Variants in CTNNA3 observed in about 807,000 individuals in gnomAD.
CTNNA3 encodes the protein catenin alpha 3.
In CTNNA3, 76 loss-of-function variants were observed where a neutral mutation model predicts 95.7. The observed-to-expected ratio is 0.79, with a 90% CI of 0.66 to 0.96. CTNNA3 has a LOEUF of 0.96. Ranked by LOEUF, CTNNA3 falls within the 40% of genes least tolerant of loss-of-function variation. The pLI is 0.00. For missense variants in CTNNA3, 1,191 were observed against 1,089.8 expected, an observed-to-expected ratio of 1.09 and a Z score of -1.31; for synonymous variants, 431 against 374.4, an observed-to-expected ratio of 1.15 and a Z score of -1.74.
intron 13 of CTNNA3, among the ~76,000 whole-genome samples, chr10:66,139,134 A>G (rs908131906): frequency 1.3e-5 from 2 of 152,164 alleles, no homozygotes; most frequent in African/African-American, 4.8e-5. Context: ...ACCATTTCCT[A>G]AGATTCCTCT....
chr10:67,499,748 A>G (rs1405403844), intron 5 of CTNNA3, among the ~76,000 whole-genome samples: 1 of 152,038 alleles, frequency 6.6e-6, no homozygotes, highest in Non-Finnish European at 1.5e-5. Context: ...CTCTGATGGT[A>G]GTTTGTATTT....
chr10:65,992,808 A>G (rs2078572067), intron 15 of CTNNA3, among the ~76,000 whole-genome samples: 1 of 151,952 alleles, frequency 6.6e-6, no homozygotes. Flanking sequence ...TTGCTTTTCT[A>G]ATTCCTTGAT....
chr10:66,660,732 A>G (rs1401223487), intron 9 of CTNNA3, among the ~76,000 whole-genome samples: 1 of 152,088 alleles, frequency 6.6e-6, no homozygotes, highest in African/African-American at 2.4e-5. Context: ...TTTTTGCTCA[A>G]ACTCAGAGAA....
chr10:66,636,544 T>TG (rs1483751956), intron 9 of CTNNA3, among the ~76,000 whole-genome samples: 1 of 152,122 alleles, frequency 6.6e-6, no homozygotes, highest in Non-Finnish European at 1.5e-5. Context: ...TTGCACAAGG[T>TG]TAAATTGTGA....
chr10:67,404,364 C>T (rs1845048737), intron 5 of CTNNA3, among the ~76,000 whole-genome samples: 1 of 151,494 alleles, frequency 6.6e-6, no homozygotes, highest in Non-Finnish European at 1.5e-5. Context: ...AGGAATATAA[C>T]CAACCTGATA....
At chr10:66,832,439 A>C (rs1026373921) in intron 7 of CTNNA3, among the ~76,000 whole-genome samples, 8 of 152,304 alleles carry the variant, frequency 5.3e-5, no homozygotes, top group African/African-American at 1.9e-4. Flanking sequence ...AAAAGTTCTT[A>C]AGGCACACCA....
At chr10:67,661,793 T>A (rs55808769) in intron 1 of CTNNA3, among the ~76,000 whole-genome samples, 20,094 of 152,054 alleles carry the variant, frequency 0.13, 1,434 homozygotes, top group Non-Finnish European at 0.16. Context: ...ATGTTCAACA[T>A]CATTAGTCAC....
At chr10:65,936,194 T>G (rs2077334680) in intron 17 of CTNNA3, among the ~76,000 whole-genome samples, 1 of 152,148 alleles carries the variant, frequency 6.6e-6, no homozygotes, top group African/African-American at 2.4e-5. Context: ...AAATCCAAAT[T>G]TAATAATAGA....
intron 12 of CTNNA3, among the ~76,000 whole-genome samples, chr10:66,335,028 C>T (rs1589105986): frequency 1.3e-5 from 2 of 152,222 alleles, no homozygotes; most frequent in Admixed American, 1.3e-4. Flanking sequence ...GAATCGGCTA[C>T]TGAGGCTTAT....
intron 13 of CTNNA3, among the ~76,000 whole-genome samples, chr10:66,105,228 T>C (rs1206823133): frequency 2.6e-5 from 4 of 152,220 alleles, no homozygotes. Flanking sequence ...TCTTCTTAGG[T>C]ATTAATAGCA....
intron 17 of CTNNA3, among the ~76,000 whole-genome samples, chr10:65,930,686 T>G (rs1046151312): frequency 6.6e-6 from 1 of 152,166 alleles, no homozygotes; most frequent in Non-Finnish European, 1.5e-5. Flanking sequence ...ATTCATACTC[T>G]CATTCAAAGA....
At chr10:66,609,298 AGC>A (rs1844243698) in intron 10 of CTNNA3, among the ~76,000 whole-genome samples, 1 of 149,826 alleles carries the variant, frequency 6.7e-6, no homozygotes, top group African/African-American at 2.5e-5. Flanking sequence ...CCTGACCTCA[AGC>A]AATCTGCCCT....
chr10:67,744,558 A>G (rs1841363362), intron 1 of CTNNA3, among the ~76,000 whole-genome samples: 1 of 151,304 alleles, frequency 6.6e-6, no homozygotes, highest in South Asian at 2.1e-4. Context: ...CCCTAGAAGA[A>G]AACTTAGGCA....
At chr10:66,548,528 A>C (rs1412477470) in intron 10 of CTNNA3, among the ~76,000 whole-genome samples, 2 of 152,118 alleles carry the variant, frequency 1.3e-5, no homozygotes, top group African/African-American at 4.8e-5. Context: ...GAAAGCTTTC[A>C]AGTATCATTA....
chr10:67,409,657 G>A (rs1263931362), intron 5 of CTNNA3, among the ~76,000 whole-genome samples: 1 of 152,096 alleles, frequency 6.6e-6, no homozygotes, highest in African/African-American at 2.4e-5. Context: ...TAATACCTAA[G>A]TGTTGGGTTG....
At chr10:67,119,394 C>T (rs772271735) in intron 7 of CTNNA3, among the ~76,000 whole-genome samples, 1 of 151,582 alleles carries the variant, frequency 6.6e-6, no homozygotes, top group Non-Finnish European at 1.5e-5. Flanking sequence ...ATACTACTAC[C>T]GGAGATAAAA....
intron 7 of CTNNA3, among the ~76,000 whole-genome samples, chr10:66,811,020 C>G (rs775780011): frequency 1.3e-5 from 2 of 152,150 alleles, no homozygotes; most frequent in African/African-American, 2.4e-5. Flanking sequence ...TATAGTGGAA[C>G]TTTAGATAAA....
At position 66,941,146 on chromosome 10, in the gene CTNNA3, A is replaced by G. The variant is rs533987956; in HGVS notation, c.1048-165622T>C. 6.8e-4 allele frequency among the ~76,000 whole-genome samples: 104 copies of G among 152,332 alleles called. 1 individual carries two copies. The highest frequency in any genetic ancestry group is 2.4e-3 in the African/African-American group (99 of 41,592). On this transcript the variant is annotated intron_variant, in intron 7 of 17. Coordinates refer to ENST00000433211, the MANE Select transcript of CTNNA3 (RefSeq NM_013266.4). ...ACAGCTACACCACAGTAGAGAGACA[A>G]TATTTCCTCAGCTGAGTCGGTTAAT...
chr10:67,386,826 C>T (rs962524891), intron 5 of CTNNA3, among the ~76,000 whole-genome samples: 6 of 152,116 alleles, frequency 3.9e-5, no homozygotes, highest in Non-Finnish European at 5.9e-5. Context: ...AGAAAGTTGG[C>T]CATGCACATT....
Sources: allele counts gnomAD v4.1 joint callset (sites outside exome capture counted in the v4.1 genomes callset), GRCh38; gene constraint gnomAD v4.1.1; transcripts MANE v1.5; gene names NCBI Gene and HGNC (gene_info 2026-07-23, HGNC 2026-07-21).